Variants in NRG1 observed in about 807,000 individuals in gnomAD.
NRG1 encodes neuregulin 1, also known as pro-neuregulin-1, membrane-bound isoform.
Under a neutral mutation model 63.8 loss-of-function variants are expected in NRG1, and 18 were observed. The ratio of observed to expected loss-of-function variants is 0.28; its 90% CI spans 0.19 to 0.42. The LOEUF (loss-of-function observed/expected upper bound fraction) is 0.42. Ranked by LOEUF, NRG1 falls within the 10% of genes least tolerant of loss-of-function variation. The probability of loss-of-function intolerance (pLI) is 1.00; values close to 1 mark genes in which losing one functional copy is unlikely to be tolerated. For missense variants in NRG1, 762 were observed against 814.7 expected (o/e 0.94, Z 0.79); for synonymous variants, 302 against 301.3 (o/e 1.00, Z -0.02).
At position 31,705,168 on chromosome 8, in the gene NRG1, C is replaced by T. The variant is rs182555240; in HGVS notation, c.37+65737C>T. Among the ~76,000 whole-genome samples, 32 of 152,076 alleles carry T rather than the reference C, an allele frequency of 2.1e-4. No individual in the cohort carries two copies. The East Asian group carries it at 6.3e-3, about 30-fold the overall frequency. On this transcript the variant is annotated intron_variant, in intron 1 of 10. Transcript: ENST00000519301. ...TCTCCTGCCTCAGCCTTCCGAGTAGCTGGAAGTACAGTCGTGCGCCACCAC... is the reference window on the plus strand; with the variant it reads ...TCTCCTGCCTCAGCCTTCCGAGTAGTTGGAAGTACAGTCGTGCGCCACCAC...
At chr8:31,707,113 C>A (rs896925253) in intron 1 of NRG1, among the ~76,000 whole-genome samples, 1 of 151,876 alleles carries the variant, frequency 6.6e-6, no homozygotes, top group Non-Finnish European at 1.5e-5. Flanking sequence ...AAAAGGCTTT[C>A]CCCTTCCAAG....
chr8:32,502,288 A>G (rs1048725991), intron 1 of NRG1, among the ~76,000 whole-genome samples: 7 of 150,644 alleles, frequency 4.6e-5, no homozygotes, highest in Middle Eastern at 3.2e-3. Context: ...TCTTACGAGA[A>G]CTCGGTCACT....
intron 1 of NRG1, chr8:31,639,673 G>C: frequency 7.2e-7 from 1 of 1,397,406 alleles, no homozygotes; most frequent in Non-Finnish European, 9.2e-7. Context: ...GCGCGGCGGC[G>C]GCGCGGGGGG....
chr8:32,244,686 T>C (rs1208628059), intron 1 of NRG1, among the ~76,000 whole-genome samples: 3 of 152,148 alleles, frequency 2.0e-5, no homozygotes, highest in Non-Finnish European at 2.9e-5. Flanking sequence ...CTGAACAACA[T>C]AGAGGTGATC....
chr8:32,451,984 C>T (rs1277512904), intron 1 of NRG1, among the ~76,000 whole-genome samples: 3 of 152,084 alleles, frequency 2.0e-5, no homozygotes, highest in African/African-American at 7.2e-5. Flanking sequence ...TGCTACCACG[C>T]CCCACTACTT....
intron 1 of NRG1, among the ~76,000 whole-genome samples, chr8:31,876,139 C>A (rs1198135130): frequency 6.6e-6 from 1 of 152,108 alleles, no homozygotes; most frequent in African/African-American, 2.4e-5. Flanking sequence ...GTTTATATGA[C>A]CTATTTGAAG....
intron 1 of NRG1, among the ~76,000 whole-genome samples, chr8:32,403,527 T>G (rs1813523211): frequency 6.6e-6 from 1 of 152,182 alleles, no homozygotes; most frequent in Non-Finnish European, 1.5e-5. Context: ...ATAAAAGAGC[T>G]TATTCAAATC....
intron 1 of NRG1, among the ~76,000 whole-genome samples, chr8:32,067,723 A>C (rs1413890158): frequency 1.3e-5 from 2 of 152,164 alleles, no homozygotes; most frequent in Non-Finnish European, 2.9e-5. Flanking sequence ...GAGGACATTA[A>C]ACTTGGTTTA....
chr8:32,124,251 G>T (rs147481083), intron 1 of NRG1, among the ~76,000 whole-genome samples: 17 of 151,868 alleles, frequency 1.1e-4, no homozygotes, highest in Admixed American at 6.6e-4. Flanking sequence ...GAACAATGAC[G>T]AATCAAATCC....
At chr8:32,171,833 A>T (rs932442045) in intron 1 of NRG1, among the ~76,000 whole-genome samples, 3 of 152,266 alleles carry the variant, frequency 2.0e-5, no homozygotes, top group African/African-American at 7.2e-5. Flanking sequence ...CTGAGTAGGT[A>T]AACAAAGCGG....
Position 32,015,454 on chromosome 8 carries a change from C to G in NRG1, c.37+376023C>G, listed in dbSNP as rs149230845. 9.2e-4 allele frequency among the ~76,000 whole-genome samples: 140 copies of G among 152,144 alleles called. 1 individual carries two copies. Among genetic ancestry groups the G allele is most frequent in the Middle Eastern group, 3.4e-3 (1 of 292 alleles). Reference sequence around the variant, plus strand: ...TAGCATTGTATTTCTTTAGGGGAAGCAAAAACTTTTTCTTAGCCCTAAATT... The same window carrying G: ...TAGCATTGTATTTCTTTAGGGGAAGGAAAAACTTTTTCTTAGCCCTAAATT... On this transcript the variant is annotated intron_variant, in intron 1 of 10. Transcript: ENST00000519301.
At chr8:32,466,394 G>T (rs1449361454) in intron 1 of NRG1, among the ~76,000 whole-genome samples, 1 of 145,786 alleles carries the variant, frequency 6.9e-6, no homozygotes, top group East Asian at 2.2e-4. Flanking sequence ...AAAATCCAGT[G>T]CCTGGATGAT....
intron 1 of NRG1, among the ~76,000 whole-genome samples, chr8:32,536,876 A>T (rs189961510): frequency 0.01 from 1,293 of 125,438 alleles, 19 homozygotes; most frequent in African/African-American, 0.037. Context: ...GTGAGCGGAG[A>T]TGCGCCACTG....
rs34718896 is a variant in NRG1, at chr8:31,840,889, GT to G, written c.37+201467del. Among the ~76,000 whole-genome samples the G allele has an allele frequency of 1.7e-4, 25 of 151,504 alleles. 1 individual carries two copies. The East Asian group carries it at 2.5e-3, about 15-fold the overall frequency. ...ATGCTTTCAGTTCCTATACAGCCAAGTTTTTTTTTAGGCTTGGCCTATGCTT... is the reference window on the plus strand; with the variant it reads ...ATGCTTTCAGTTCCTATACAGCCAAGTTTTTTTTAGGCTTGGCCTATGCTT... On this transcript the variant is annotated intron_variant, in intron 1 of 10. Coordinates refer to the NRG1 transcript ENST00000519301.
At chr8:31,737,632 A>G (rs1480356812) in intron 1 of NRG1, among the ~76,000 whole-genome samples, 1 of 152,162 alleles carries the variant, frequency 6.6e-6, no homozygotes, top group Non-Finnish European at 1.5e-5. Flanking sequence ...TCCCTTAGTA[A>G]GCTGCCTATC....
Position 32,616,891 on chromosome 8 carries a change from T to G in NRG1, c.502+6T>G. ...AGGAGCAAATACTTCTTCATGTAAG[T>G]ATACTTAAATATTCTATTCACTGGT... On this transcript the variant is annotated splice_donor_region_variant and intron_variant, in intron 5 of 11. Transcript: ENST00000356819. The G allele has an allele frequency of 6.4e-7, 1 of 1,567,762 alleles. No individual in the cohort carries two copies. Among genetic ancestry groups the G allele is most frequent in the Non-Finnish European group, 8.8e-7 (1 of 1,138,250 alleles).
intron 1 of NRG1, among the ~76,000 whole-genome samples, chr8:32,408,005 G>T (rs1204889119): frequency 6.6e-6 from 1 of 152,090 alleles, no homozygotes; most frequent in Non-Finnish European, 1.5e-5. Context: ...TCCTTTTTAT[G>T]CCTGCAAACA....
intron 5 of NRG1, among the ~76,000 whole-genome samples, 155 bp downstream of exon 5, chr8:32,617,040 C>T (rs894462027): frequency 6.6e-6 from 1 of 152,172 alleles, no homozygotes; most frequent in East Asian, 1.9e-4. Context: ...GAAATGGCCT[C>T]CTAATATGCT....
intron 5 of NRG1, among the ~76,000 whole-genome samples, chr8:32,701,656 T>C (rs1446051895): frequency 6.6e-6 from 1 of 152,228 alleles, no homozygotes; most frequent in Non-Finnish European, 1.5e-5. Context: ...TGTTTTCAAC[T>C]AAAAGATGAT....
Sources: gnomAD v4.1 joint callset for allele counts (sites outside exome capture counted in the v4.1 genomes callset) on GRCh38, gnomAD v4.1.1 for gene constraint, MANE v1.5 for transcripts, NCBI Gene and HGNC (gene_info 2026-07-23, HGNC 2026-07-21) for gene names.